The following TNNI3K variants were observed in gnomAD, a reference collection of about 807,000 sequenced individuals.
TNNI3K encodes serine/threonine-protein kinase TNNI3K.
In TNNI3K, 140 loss-of-function variants were observed where a neutral mutation model predicts 114.5. The ratio of observed to expected loss-of-function variants is 1.22; its 90% CI spans 1.07 to 1.41. The LOEUF (loss-of-function observed/expected upper bound fraction) is 1.41. Among genes scored for constraint, TNNI3K ranks in the 40% most tolerant of loss-of-function variants. The pLI, the probability that TNNI3K is intolerant of heterozygous loss-of-function variation, is 0.00. For synonymous variants in TNNI3K, 347 were observed against 347.5 expected, an observed-to-expected ratio of 1.00 and a Z score of 0.02; for missense variants, 1,125 against 1,007.6, an observed-to-expected ratio of 1.12 and a Z score of -1.58.
chr1:74,304,882 A>G (rs1477997655), intron 5 of TNNI3K, among the ~76,000 whole-genome samples: 1 of 152,196 alleles, frequency 6.6e-6, no homozygotes, highest in African/African-American at 2.4e-5. Context: ...GACTTATTTT[A>G]TTGCAAAATT....
intron 5 of TNNI3K, among the ~76,000 whole-genome samples, chr1:74,330,665 T>A (rs1006788189): frequency 1.3e-5 from 2 of 152,200 alleles, no homozygotes; most frequent in East Asian, 3.8e-4. Context: ...TTTTTGTCAG[T>A]CTAATTTATA....
intron 5 of TNNI3K, among the ~76,000 whole-genome samples, chr1:74,294,319 T>G (rs572809746): frequency 1.4e-4 from 22 of 152,014 alleles, no homozygotes; most frequent in Non-Finnish European, 1.8e-4. Flanking sequence ...CCATAAATAT[T>G]TAATAACATT....
At chr1:74,294,145 G>T (rs1228128215) in intron 5 of TNNI3K, among the ~76,000 whole-genome samples, 1 of 151,644 alleles carries the variant, frequency 6.6e-6, no homozygotes, top group East Asian at 1.9e-4. Flanking sequence ...ACAACATGAT[G>T]TTTTGATAGA....
At chr1:74,239,184 C>T (rs187420241) in intron 2 of TNNI3K, among the ~76,000 whole-genome samples, 1 of 151,966 alleles carries the variant, frequency 6.6e-6, no homozygotes, top group South Asian at 2.1e-4. Context: ...GAATAATCTG[C>T]TTTTGTCTGA....
chr1:74,244,395 G>A, intron 2 of TNNI3K, among the ~76,000 whole-genome samples: 1 of 152,074 alleles, frequency 6.6e-6, no homozygotes, highest in East Asian at 1.9e-4. Context: ...AGATGGTAAA[G>A]TCTAGTTCAA....
chr1:74,356,391 T>A (rs1304442100), intron 11 of TNNI3K, among the ~76,000 whole-genome samples: 1 of 152,224 alleles, frequency 6.6e-6, no homozygotes, highest in African/African-American at 2.4e-5. Flanking sequence ...TTCTATTAGA[T>A]ATAAAGGTGT....
At chr1:74,482,576 G>A (rs1022770590) in intron 21 of TNNI3K, among the ~76,000 whole-genome samples, 1 of 152,106 alleles carries the variant, frequency 6.6e-6, no homozygotes, top group Non-Finnish European at 1.5e-5. Flanking sequence ...TATTAGAAAT[G>A]GAAGAAATTA....
At chr1:74,421,063 T>C (rs1439496987) in intron 17 of TNNI3K, among the ~76,000 whole-genome samples, 2 of 152,122 alleles carry the variant, frequency 1.3e-5, no homozygotes, top group Non-Finnish European at 2.9e-5. Context: ...TTTAAAAATA[T>C]CTTTTCTCTA....
intron 23 of TNNI3K, among the ~76,000 whole-genome samples, chr1:74,524,501 C>A (rs1018163345): frequency 3.9e-5 from 6 of 152,124 alleles, no homozygotes; most frequent in Non-Finnish European, 5.9e-5. Context: ...TAAAAAATTG[C>A]ACAGGAAAAT....
intron 20 of TNNI3K, among the ~76,000 whole-genome samples, chr1:74,458,311 A>T (rs1667312425): frequency 6.6e-6 from 1 of 152,168 alleles, no homozygotes; most frequent in Non-Finnish European, 1.5e-5. Flanking sequence ...GCTTCATCTT[A>T]CATTTAGCAA....
At chr1:74,261,467 C>A (rs1272713222) in intron 4 of TNNI3K, among the ~76,000 whole-genome samples, 1 of 152,038 alleles carries the variant, frequency 6.6e-6, no homozygotes, top group African/African-American at 2.4e-5. Flanking sequence ...AGCAGATTTT[C>A]TAATTCTTTT....
intron 2 of TNNI3K, among the ~76,000 whole-genome samples, chr1:74,237,878 G>A (rs1411858977): frequency 6.6e-6 from 1 of 151,942 alleles, no homozygotes; most frequent in African/African-American, 2.4e-5. Context: ...TTTCATGTGT[G>A]CCGAATAATA....
chr1:74,376,029 G>C (rs1038428799), intron 17 of TNNI3K, among the ~76,000 whole-genome samples: 8 of 151,692 alleles, frequency 5.3e-5, no homozygotes, highest in Non-Finnish European at 1.2e-4. Context: ...TGGGTATAAA[G>C]GAAAATAATG....
chr1:74,389,129 C>T (rs1663634146), intron 17 of TNNI3K, among the ~76,000 whole-genome samples: 1 of 152,154 alleles, frequency 6.6e-6, no homozygotes, highest in African/African-American at 2.4e-5. Flanking sequence ...AGTACAGGAG[C>T]ATTTGCCATA....
intron 5 of TNNI3K, among the ~76,000 whole-genome samples, chr1:74,286,249 G>T (rs978107439): frequency 2.0e-5 from 3 of 152,104 alleles, no homozygotes; most frequent in Non-Finnish European, 4.4e-5. Context: ...GTGGATTCCA[G>T]AACCAGGCCA....
intron 19 of TNNI3K, chr1:74,439,035 G>GA (rs1466006816): frequency 1.3e-5 from 2 of 152,392 alleles, no homozygotes; most frequent in Non-Finnish European, 2.9e-5. Context: ...CTGAAGACTT[G>GA]AAGGAGGTGC....
intron 17 of TNNI3K, among the ~76,000 whole-genome samples, chr1:74,431,233 C>G (rs1381588245): frequency 6.6e-6 from 1 of 152,004 alleles, no homozygotes; most frequent in Admixed American, 6.6e-5. Context: ...GGACTAGTAA[C>G]AGCAAAAACT....
At chr1:74,439,654 T>G (rs200234861) in intron 20 of TNNI3K, 32 bp downstream of exon 20, 27 of 1,609,032 alleles carry the variant, frequency 1.7e-5, no homozygotes, top group Non-Finnish European at 2.2e-5. Context: ...GTTTTCCTGT[T>G]TTACAGAGTT....
chr1:74,484,016 TC>T (rs1358209546), intron 21 of TNNI3K, among the ~76,000 whole-genome samples: 5 of 152,178 alleles, frequency 3.3e-5, no homozygotes, highest in Non-Finnish European at 7.3e-5. Flanking sequence ...TTTTGCTTTT[TC>T]ATGTGTAAAA....
Sources: gnomAD v4.1 joint callset for allele counts (sites outside exome capture counted in the v4.1 genomes callset) on GRCh38, gnomAD v4.1.1 for gene constraint, MANE v1.5 for transcripts, NCBI Gene and HGNC (gene_info 2026-07-23, HGNC 2026-07-21) for gene names.